Variants in KHDRBS2 observed in about 807,000 individuals in gnomAD.
KHDRBS2 encodes the protein KH RNA binding domain containing, signal transduction associated 2.
KHDRBS2 carries 26 observed loss-of-function variants against 44.3 expected under a neutral mutation model. The ratio of observed to expected loss-of-function variants is 0.59; its 90% CI spans 0.43 to 0.81. The LOEUF is 0.81. Ranked by LOEUF, KHDRBS2 falls within the 40% of genes least tolerant of loss-of-function variation. The pLI, the probability that KHDRBS2 is intolerant of heterozygous loss-of-function variation, is 0.00. For synonymous variants in KHDRBS2, 194 were observed against 151.1 expected (o/e 1.28, Z -2.08); for missense variants, 476 against 433.1 (o/e 1.10, Z -0.88).
chr6:62,227,725 T>C (rs1832148524), intron 1 of KHDRBS2, among the ~76,000 whole-genome samples: 1 of 152,246 alleles, frequency 6.6e-6, no homozygotes, highest in African/African-American at 2.4e-5. Context: ...TGAGAGTTTT[T>C]AACAAGAAGC....
At chr6:61,841,347 A>C (rs901588563) in intron 6 of KHDRBS2, among the ~76,000 whole-genome samples, 1 of 152,170 alleles carries the variant, frequency 6.6e-6, no homozygotes, top group Non-Finnish European at 1.5e-5. Context: ...TTTTGGGTAC[A>C]TACTTCTTGA....
the KHDRBS2 span, among the ~76,000 whole-genome samples, chr6:61,572,188 C>T: frequency 6.6e-6 from 1 of 152,034 alleles, no homozygotes; most frequent in Non-Finnish European, 1.5e-5. Context: ...CTACTACAAA[C>T]ACCTTTATGA....
chr6:62,175,011 G>GA (rs1038114425), intron 2 of KHDRBS2, among the ~76,000 whole-genome samples: 1 of 151,084 alleles, frequency 6.6e-6, no homozygotes, highest in Admixed American at 6.6e-5. Flanking sequence ...TGAACAGCAG[G>GA]AAAAAAATCA....
chr6:61,691,581 T>A (rs1289807485), intron 8 of KHDRBS2, among the ~76,000 whole-genome samples: 2 of 152,054 alleles, frequency 1.3e-5, no homozygotes, highest in African/African-American at 4.8e-5. Flanking sequence ...TATTTGCATA[T>A]ATTATTTTTA....
intron 6 of KHDRBS2, among the ~76,000 whole-genome samples, chr6:61,733,159 C>A (rs1774758459): frequency 6.6e-6 from 1 of 152,010 alleles, no homozygotes; most frequent in Middle Eastern, 3.4e-3. Flanking sequence ...TTTTAATAAT[C>A]ATAATTAAGA....
intron 2 of KHDRBS2, among the ~76,000 whole-genome samples, chr6:62,084,577 T>A (rs1035673207): frequency 2.6e-5 from 4 of 152,162 alleles, no homozygotes; most frequent in Non-Finnish European, 4.4e-5. Context: ...TGAAAATTGT[T>A]TATGGGGCTA....
chr6:61,692,136 A>G (rs538457708), intron 8 of KHDRBS2, among the ~76,000 whole-genome samples: 1 of 152,238 alleles, frequency 6.6e-6, no homozygotes, highest in South Asian at 2.1e-4. Flanking sequence ...AGCCAAGCTA[A>G]TGTAGGCACT....
chr6:62,167,341 A>G (rs1046562079), intron 2 of KHDRBS2, among the ~76,000 whole-genome samples: 6 of 152,156 alleles, frequency 3.9e-5, no homozygotes, highest in Non-Finnish European at 7.4e-5. Context: ...TGCATGACTC[A>G]ATGTGGGATG....
At chr6:61,950,830 G>T (rs530766145) in intron 4 of KHDRBS2, among the ~76,000 whole-genome samples, 1 of 151,940 alleles carries the variant, frequency 6.6e-6, no homozygotes, top group South Asian at 2.1e-4. Context: ...ATTAATAAAC[G>T]TAAATATGAA....
chr6:61,819,568 G>A lies in KHDRBS2; in HGVS notation c.810+75067C>T, dbSNP rs567094664. Among the ~76,000 whole-genome samples, 102 of 152,040 alleles carry A rather than the reference G, an allele frequency of 6.7e-4. 1 individual carries two copies. The highest frequency in any genetic ancestry group is 3.4e-3 in the Middle Eastern group (1 of 294). On this transcript the variant is annotated intron_variant, in intron 6 of 8. Coordinates refer to ENST00000281156, the MANE Select transcript of KHDRBS2 (RefSeq NM_152688.4). The stretch of plus-strand genomic sequence containing the variant: ...TTGTTTTATTGATTAGTAACTGAGT[G>A]CACTGTTCTTTCTGAGATAAAATGA...
At chr6:61,748,891 C>A (rs1777229226) in intron 6 of KHDRBS2, among the ~76,000 whole-genome samples, 2 of 151,914 alleles carry the variant, frequency 1.3e-5, no homozygotes, top group Admixed American at 1.3e-4. Flanking sequence ...ATTCACTAGT[C>A]AGTGTGGTTA....
the KHDRBS2 span, among the ~76,000 whole-genome samples, chr6:61,559,751 TC>T: frequency 2.0e-4 from 30 of 152,322 alleles, no homozygotes. Flanking sequence ...TTGTTTCTCT[TC>T]ATATCTGATT....
intron 7 of KHDRBS2, among the ~76,000 whole-genome samples, chr6:61,707,693 C>T (rs1769817511): frequency 1.3e-5 from 2 of 151,684 alleles, no homozygotes; most frequent in African/African-American, 4.8e-5. Context: ...ATACTACAAG[C>T]TAGTATTAAT....
rs745647257 is a variant in KHDRBS2 at position 61,901,327 on chromosome 6, A to G, written c.528T>C (p.Ser176=). 2.5e-5 allele frequency: 40 copies of G among 1,613,326 alleles called. No homozygotes were observed. Among genetic ancestry groups the G allele is most frequent in the Non-Finnish European group, 4.2e-6 (5 of 1,179,462 alleles). ...EIRQEQLREL[S]YLNGSEDSGR... ...CAGAGTCCTCTGAGCCATTTAAGTA[A>G]GATAATTCACGTAGTTGTTCCTGAC... The change falls in exon 5 of 9, where the codon TCT becomes TCC. Residue 176 remains serine, a synonymous_variant. Coordinates refer to ENST00000281156, the MANE Select transcript of KHDRBS2 (RefSeq NM_152688.4).
the KHDRBS2 span, among the ~76,000 whole-genome samples, chr6:61,595,442 T>C: frequency 7.9e-5 from 12 of 152,254 alleles, no homozygotes; most frequent in Admixed American, 2.6e-4. Context: ...TAGAAATCTA[T>C]GTCATTTTTT....
At chr6:61,838,862 G>T (rs1042790394) in intron 6 of KHDRBS2, among the ~76,000 whole-genome samples, 1 of 151,904 alleles carries the variant, frequency 6.6e-6, no homozygotes, top group African/African-American at 2.4e-5. Context: ...TCATACATTC[G>T]CTTGTTTTGC....
intron 1 of KHDRBS2, among the ~76,000 whole-genome samples, chr6:62,255,634 ACACACACACACACAC>A (rs1837265327): frequency 6.6e-6 from 1 of 151,170 alleles, no homozygotes; most frequent in Non-Finnish European, 1.5e-5. Flanking sequence ...ACACACACAC[ACACACACACACACAC>A]ACACACAATG....
At chr6:61,719,544 T>G (rs1772014603) in intron 7 of KHDRBS2, among the ~76,000 whole-genome samples, 1 of 152,118 alleles carries the variant, frequency 6.6e-6, no homozygotes, top group Non-Finnish European at 1.5e-5. Context: ...GGATGTAACT[T>G]GCCTTAAGTC....
the KHDRBS2 span, among the ~76,000 whole-genome samples, chr6:61,600,020 A>G: frequency 6.7e-4 from 102 of 152,242 alleles, no homozygotes; most frequent in Admixed American, 1.7e-3. Flanking sequence ...TCAAAAAATT[A>G]CATGACAGTT....
Sources: gnomAD v4.1 joint callset for allele counts (sites outside exome capture counted in the v4.1 genomes callset) on GRCh38, gnomAD v4.1.1 for gene constraint, MANE v1.5 for transcripts, NCBI Gene and HGNC (gene_info 2026-07-23, HGNC 2026-07-21) for gene names.